Variants in DEPTOR observed in about 807,000 individuals in gnomAD.
DEPTOR encodes the protein DEP domain-containing mTOR-interacting protein.
Under a neutral mutation model 41.6 loss-of-function variants are expected in DEPTOR, and 41 were observed. That is an observed-to-expected ratio of 0.98 (90% CI 0.77 to 1.28). DEPTOR has a LOEUF of 1.28. DEPTOR is among the 50% of genes most tolerant of loss of function. DEPTOR has a pLI of 0.00. For synonymous variants in DEPTOR, 195 were observed against 192.3 expected (o/e 1.01, Z -0.12); for missense variants, 514 against 527.9 (o/e 0.97, Z 0.26).
intron 1 of DEPTOR, among the ~76,000 whole-genome samples, chr8:119,898,812 ATAGT>A (rs1302882666): frequency 7.2e-5 from 11 of 152,144 alleles, no homozygotes; most frequent in East Asian, 1.9e-4. Context: ...CTTCACTTAA[ATAGT>A]TAGCCACATA....
At chr8:119,997,646 A>AT (rs1397842669) in intron 4 of DEPTOR, among the ~76,000 whole-genome samples, 3 of 152,196 alleles carry the variant, frequency 2.0e-5, no homozygotes, top group African/African-American at 7.2e-5. Flanking sequence ...AAACTGTGGA[A>AT]TACCCATATG....
intron 3 of DEPTOR, among the ~76,000 whole-genome samples, chr8:119,956,652 A>G (rs1828420124): frequency 6.6e-6 from 1 of 150,572 alleles, no homozygotes; most frequent in Admixed American, 6.6e-5. Flanking sequence ...GAGACTATCA[A>G]TAGTGCCAAA....
chr8:119,965,493 T>C, intron 4 of DEPTOR, 83 bp downstream of exon 4: 2 of 1,502,108 alleles, frequency 1.3e-6, no homozygotes, highest in South Asian at 2.6e-5. Flanking sequence ...TACTTATTTC[T>C]CACTCATGAA....
chr8:120,000,992 G>A (rs1194226751), intron 4 of DEPTOR, among the ~76,000 whole-genome samples: 3 of 151,778 alleles, frequency 2.0e-5, no homozygotes, highest in Non-Finnish European at 4.4e-5. Context: ...CAGGAGAATC[G>A]CTTGAACCTG....
At chr8:120,013,864 G>A (rs753938902) in intron 8 of DEPTOR, among the ~76,000 whole-genome samples, 69 of 147,982 alleles carry the variant, frequency 4.7e-4, no homozygotes, top group Admixed American at 2.2e-3. Flanking sequence ...TTTTGAGATG[G>A]AGTTTCACTC....
At chr8:120,036,062 A>G (rs909262734) in intron 8 of DEPTOR, among the ~76,000 whole-genome samples, 1 of 152,184 alleles carries the variant, frequency 6.6e-6, no homozygotes, top group African/African-American at 2.4e-5. Flanking sequence ...GTATGTATGG[A>G]CTGAACCAGG....
intron 6 of DEPTOR, among the ~76,000 whole-genome samples, chr8:120,006,535 A>C (rs1272861041): frequency 6.6e-6 from 1 of 151,904 alleles, no homozygotes; most frequent in Non-Finnish European, 1.5e-5. Flanking sequence ...TAAAAAAAAA[A>C]AAAAATTGAC....
At position 120,009,239 on chromosome 8, in the gene DEPTOR, T is replaced by C. The variant is rs1812494618; in HGVS notation, c.1101+106T>C. The C allele has an allele frequency of 6.1e-6, 6 of 977,626 alleles. No individual in the cohort carries two copies. The South Asian group carries it at 1.0e-4, about 16-fold the overall frequency. 60.6% of individuals were successfully genotyped at this position (977,626 alleles called of 1,614,324 possible). On this transcript the variant is annotated intron_variant, in intron 8 of 8. Transcript: ENST00000286234. The stretch of plus-strand genomic sequence containing the variant: ...TCCAAACCCATCTTATTTTGTGTCC[T>C]TTTCTATTTCTGCCCTCTCTTTCTT...
chr8:119,992,102 A>C (rs78298523), intron 4 of DEPTOR, among the ~76,000 whole-genome samples: 1 of 152,212 alleles, frequency 6.6e-6, no homozygotes, highest in Admixed American at 6.5e-5. Flanking sequence ...TTTATCTGTG[A>C]TTTTGAGCAA....
At chr8:120,038,929 A>G (rs1422309116) in intron 8 of DEPTOR, among the ~76,000 whole-genome samples, 1 of 152,220 alleles carries the variant, frequency 6.6e-6, no homozygotes, top group Non-Finnish European at 1.5e-5. Flanking sequence ...AGAGTTTTGG[A>G]AAATTGTTAG....
chr8:119,991,131 C>A (rs1812167872), intron 4 of DEPTOR, among the ~76,000 whole-genome samples: 2 of 114,938 alleles, frequency 1.7e-5, no homozygotes, highest in South Asian at 2.9e-4. Context: ...TTTTTTAAAT[C>A]TTTTATTCTT....
At chr8:119,906,774 A>G (rs1431685607) in intron 1 of DEPTOR, among the ~76,000 whole-genome samples, 1 of 152,198 alleles carries the variant, frequency 6.6e-6, no homozygotes, top group African/African-American at 2.4e-5. Context: ...CCAGAGCTCT[A>G]TGCAGGACAC....
chr8:119,923,893 C>CTTTTTTTTTTTTTTTTTTTTTTT (rs769960283), intron 1 of DEPTOR, among the ~76,000 whole-genome samples: 1 of 104,980 alleles, frequency 9.5e-6, no homozygotes, highest in African/African-American at 3.0e-5. Flanking sequence ...TTTTTTCTTT[C>CTTTTTTTTTTTTTTTTTTTTTTT]TTTTTTTTTT....
intron 1 of DEPTOR, among the ~76,000 whole-genome samples, chr8:119,926,034 A>G (rs2129839991): frequency 6.6e-6 from 1 of 152,336 alleles, no homozygotes; most frequent in Non-Finnish European, 1.5e-5. Context: ...TAGGATGCCA[A>G]TTAAAAACAT....
chr8:119,892,219 A>C (rs1316286106), intron 1 of DEPTOR, among the ~76,000 whole-genome samples: 1 of 152,100 alleles, frequency 6.6e-6, no homozygotes, highest in Admixed American at 6.5e-5. Flanking sequence ...GGCTGGTCTC[A>C]AATTCCTGAC....
At chr8:119,903,479 G>A (rs558198056) in intron 1 of DEPTOR, among the ~76,000 whole-genome samples, 1 of 152,140 alleles carries the variant, frequency 6.6e-6, no homozygotes, top group African/African-American at 2.4e-5. Context: ...CTCAAACCTT[G>A]CATGGTTGAT....
At chr8:119,994,546 G>C (rs1212594163) in intron 4 of DEPTOR, among the ~76,000 whole-genome samples, 1 of 152,144 alleles carries the variant, frequency 6.6e-6, no homozygotes, top group Non-Finnish European at 1.5e-5. Flanking sequence ...AACTTTAGCT[G>C]TATATCTGGT....
At chr8:119,937,572 T>G (rs565718188) in intron 3 of DEPTOR, among the ~76,000 whole-genome samples, 43 of 152,312 alleles carry the variant, frequency 2.8e-4, no homozygotes, top group South Asian at 6.2e-4. Flanking sequence ...TTTGTAACTT[T>G]CTGTTTGTGT....
intron 8 of DEPTOR, among the ~76,000 whole-genome samples, chr8:120,039,633 C>T (rs1320113406): frequency 2.0e-5 from 3 of 152,164 alleles, no homozygotes; most frequent in Non-Finnish European, 2.9e-5. Flanking sequence ...TGTTGCTCTG[C>T]TTCAGTCTCA....
Sources: allele counts gnomAD v4.1 joint callset (sites outside exome capture counted in the v4.1 genomes callset), GRCh38; gene constraint gnomAD v4.1.1; transcripts MANE v1.5; gene names NCBI Gene and HGNC (gene_info 2026-07-23, HGNC 2026-07-21).